MIB1: variants seen among roughly 807,000 people sequenced by gnomAD.
The protein encoded by MIB1 is MIB E3 ubiquitin protein ligase 1.
In MIB1, 278 loss-of-function variants were observed where a neutral mutation model predicts 124.5. The observed-to-expected ratio is 2.23, with a 90% CI of 2.02 to 2.47. MIB1 has a LOEUF of 2.47. Ranked by LOEUF, MIB1 falls within the 30% of genes most tolerant of loss-of-function variation. The pLI is 0.00. For missense variants in MIB1, 957 were observed against 1,254.4 expected, an observed-to-expected ratio of 0.76 and a Z score of 3.58; for synonymous variants, 446 against 429.4, an observed-to-expected ratio of 1.04 and a Z score of -0.48.
chr18:21,813,085 G>A (rs747051881), intron 10 of MIB1, among the ~76,000 whole-genome samples: 10 of 151,188 alleles, frequency 6.6e-5, no homozygotes, highest in Non-Finnish European at 1.3e-4. Flanking sequence ...TAATTCTTTG[G>A]TGTTTATTTT....
In MIB1 at chr18:21,834,523, C is replaced by T. The variant is rs548849558; in HGVS notation, c.1830-3842C>T. 3.9e-5 allele frequency among the ~76,000 whole-genome samples: 6 copies of T among 152,218 alleles called. No homozygotes were observed. In the South Asian group the frequency reaches 1.2e-3, roughly 32 times the overall value. ...AAGAACACTACTTCAGCCAGATGAT[C>T]AAGGTTAACTTCTAGAGTCATATGG... On this transcript the variant is annotated intron_variant, in intron 12 of 20. Coordinates refer to ENST00000261537, the MANE Select transcript of MIB1 (RefSeq NM_020774.4).
rs537058959 is a variant in MIB1, at chr18:21,829,661, A to G, written c.1830-8704A>G. ...AGTGTTTTATAAGGTCACAGATAAG[A>G]ACTCGTGATCATTTGAAAATTTGTC... On this transcript the variant is annotated intron_variant, in intron 12 of 20. Coordinates refer to ENST00000261537, the MANE Select transcript of MIB1 (RefSeq NM_020774.4). Among the ~76,000 whole-genome samples the G allele has an allele frequency of 2.0e-5, 3 of 152,184 alleles. No individual in the cohort carries two copies. In the East Asian group the frequency reaches 5.8e-4, roughly 29 times the overall value.
In MIB1 at chr18:21,831,663, AG is replaced by A. The variant is rs905878381; in HGVS notation, c.1830-6695del. On this transcript the variant is annotated intron_variant, in intron 12 of 20. Coordinates refer to ENST00000261537, the MANE Select transcript of MIB1 (RefSeq NM_020774.4). Reference sequence around the variant, plus strand: ...CCTGCCCCCCACTTTTTTTTTTTTGAGGGGGGGTAAGCACTGCCAAATAAAG... The same window carrying A: ...CCTGCCCCCCACTTTTTTTTTTTTGAGGGGGGTAAGCACTGCCAAATAAAG... 6.2e-5 allele frequency among the ~76,000 whole-genome samples: 9 copies of A among 146,172 alleles called. No homozygotes were observed. The East Asian group carries it at 9.9e-4, about 16-fold the overall frequency.
At position 21,869,601 on chromosome 18, in the gene MIB1, T is replaced by C. The variant is rs1435358307; in HGVS notation, c.*4935T>C. The C allele has an allele frequency of 3.3e-5, 5 of 152,530 alleles. No homozygotes were observed. The East Asian group carries it at 9.6e-4, about 29-fold the overall frequency. 9.4% of individuals were successfully genotyped at this position (152,530 alleles called of 1,614,324 possible). A position where few individuals can be genotyped will look rare whatever the true frequency, so the allele number is the denominator to read the frequency against. On this transcript the variant is annotated 3_prime_UTR_variant, in exon 21 of 21. Transcript: ENST00000261537. Reference sequence around the variant, plus strand: ...AAAGGAAGTTTTCTAGATTTGCACTTGATGTTTGTTTTTTAAAAACTGATT... The same window carrying C: ...AAAGGAAGTTTTCTAGATTTGCACTCGATGTTTGTTTTTTAAAAACTGATT...
intron 1 of MIB1, among the ~76,000 whole-genome samples, chr18:21,713,376 C>T (rs1442160679): frequency 6.6e-6 from 1 of 151,940 alleles, no homozygotes; most frequent in African/African-American, 2.4e-5. Context: ...CTTTGGGAGG[C>T]CGAGACAGGT....
At chr18:21,860,488 G>A (rs993159334) in intron 20 of MIB1, among the ~76,000 whole-genome samples, 1 of 152,048 alleles carries the variant, frequency 6.6e-6, no homozygotes, top group Non-Finnish European at 1.5e-5. Context: ...AAAAAAATTA[G>A]CAAAAACTTG....
Position 21,817,201 on chromosome 18 carries a change from G to A in MIB1, c.1677+1388G>A, listed in dbSNP as rs368175499. Among the ~76,000 whole-genome samples the A allele has an allele frequency of 2.8e-5, 3 of 107,444 alleles. No homozygotes were observed. In the East Asian group the frequency reaches 8.6e-4, roughly 31 times the overall value. 70.5% of individuals were successfully genotyped at this position (107,444 alleles called of 152,430 possible). A position where few individuals can be genotyped will look rare whatever the true frequency, so the allele number is the denominator to read the frequency against. ...TTTTGAGGCAGGGTCTTGCTCTGTT[G>A]CCCAGGCTGGAATTCAGTGGCGTGA... On this transcript the variant is annotated intron_variant, in intron 11 of 20. Coordinates refer to ENST00000261537, the MANE Select transcript of MIB1 (RefSeq NM_020774.4).
chr18:21,737,796 T>C (rs2040802613), upstream of MIB1, among the ~76,000 whole-genome samples: 2 of 152,138 alleles, frequency 1.3e-5, no homozygotes, highest in African/African-American at 4.8e-5. Context: ...CATTACATAA[T>C]GGTAAAGGGA....
chr18:21,779,113 A>C (rs573861131), intron 5 of MIB1, among the ~76,000 whole-genome samples: 18 of 152,262 alleles, frequency 1.2e-4, no homozygotes, highest in African/African-American at 4.1e-4. Context: ...GCTTTCATTC[A>C]TATTCTCTAG....
chr18:21,713,468 C>A (rs2040674614), intron 1 of MIB1, among the ~76,000 whole-genome samples: 1 of 151,760 alleles, frequency 6.6e-6, no homozygotes, highest in Non-Finnish European at 1.5e-5. Flanking sequence ...AAAAAATTAG[C>A]CGGGCATGGT....
At chr18:21,843,360 A>G in intron 14 of MIB1, 143 bp downstream of exon 14, 1 of 542,976 alleles carries the variant, frequency 1.8e-6, no homozygotes, top group East Asian at 3.4e-5. Context: ...ATCTAAATAC[A>G]ATGTGATCTG....
At position 21,844,122 on chromosome 18, in the gene MIB1, A is replaced by G; in HGVS notation, c.2080A>G (p.Ile694Val). The change falls in exon 15 of 21, where the codon ATT becomes GTT. Residue 694 changes from isoleucine to valine, a missense_variant. By Grantham distance (29) the Ile-to-Val change is conservative (BLOSUM62 3). Transcript: ENST00000261537. Reference protein sequence around the residue: ...LLVRAGAKLDIQDKDGDTPLH... With the variant: ...LLVRAGAKLDVQDKDGDTPLH... The stretch of plus-strand genomic sequence containing the variant: ...GGTCCGTGCAGGTGCCAAGCTTGAT[A>G]TTCAGGATAAGGATGGGGATACTCC... 6.2e-7 allele frequency: 1 copy of G among 1,614,070 alleles called. No individual in the cohort carries two copies. The highest frequency in any genetic ancestry group is 1.1e-5 in the South Asian group (1 of 91,082).
chr18:21,758,661 A>G (rs914708066), intron 1 of MIB1, among the ~76,000 whole-genome samples: 2 of 152,022 alleles, frequency 1.3e-5, no homozygotes, highest in African/African-American at 4.8e-5. Context: ...CAGCCTCTCA[A>G]GTAGCTGGGA....
At chr18:21,756,725 A>G (rs1396165015) in intron 1 of MIB1, among the ~76,000 whole-genome samples, 1 of 152,184 alleles carries the variant, frequency 6.6e-6, no homozygotes, top group Non-Finnish European at 1.5e-5. Context: ...GGGCCTCCCA[A>G]AGTGCTGGGA....
rs755746799 is a variant in MIB1, at chr18:21,864,514, C to T, written c.2881-12C>T. ...AGTGTCTAATTTATTACTTTGTTAT[C>T]TCACATTACAGACAATGTGCCCTGT... On this transcript the variant is annotated splice_polypyrimidine_tract_variant and intron_variant, in intron 20 of 20. Transcript: ENST00000261537. 1.9e-6 allele frequency: 3 copies of T among 1,598,440 alleles called. No homozygotes were observed. Among genetic ancestry groups the T allele is most frequent in the Non-Finnish European group, 2.6e-6 (3 of 1,167,984 alleles).
intron 13 of MIB1, among the ~76,000 whole-genome samples, chr18:21,842,511 A>C (rs2042100420): frequency 1.3e-5 from 2 of 152,152 alleles, no homozygotes; most frequent in African/African-American, 2.4e-5. Context: ...TCCCAAGTGC[A>C]CTTATTTTGC....
chr18:21,731,087 C>CATTAAAATGGACTTAGGTGACGCTCTCTG (rs1881848563), intron 1 of MIB1, among the ~76,000 whole-genome samples: 5 of 152,146 alleles, frequency 3.3e-5, no homozygotes, highest in Non-Finnish European at 4.4e-5. Context: ...TTCTTTGATC[C>CATTAAAATGGACTTAGGTGACGCTCTCTG]ATTAAAATGG....
chr18:21,712,511 A>G (rs1270376995), intron 1 of MIB1, among the ~76,000 whole-genome samples: 1 of 152,230 alleles, frequency 6.6e-6, no homozygotes, highest in Non-Finnish European at 1.5e-5. Context: ...GAACTGCCCC[A>G]GAGAAAGCCA....
At chr18:21,839,709 C>G (rs112064587) in intron 13 of MIB1, among the ~76,000 whole-genome samples, 2 of 151,988 alleles carry the variant, frequency 1.3e-5, no homozygotes, top group African/African-American at 2.4e-5. Context: ...ACTATGTTGC[C>G]GAAGCTGGTT....
Sources: allele counts gnomAD v4.1 joint callset (sites outside exome capture counted in the v4.1 genomes callset), GRCh38; gene constraint gnomAD v4.1.1; transcripts MANE v1.5; gene names NCBI Gene and HGNC (gene_info 2026-07-23, HGNC 2026-07-21).